RNF123: variants seen among roughly 807,000 people sequenced by gnomAD.
RNF123 encodes the protein ring finger protein 123, also known as E3 ubiquitin-protein ligase RNF123.
Under a neutral mutation model 168.5 loss-of-function variants are expected in RNF123, and 86 were observed. The observed-to-expected ratio is 0.51, with a 90% CI of 0.43 to 0.61. The LOEUF is 0.61. RNF123 is among the 20% of genes least tolerant of loss of function. RNF123 has a pLI of 0.00. For synonymous variants in RNF123, 666 were observed against 689.1 expected (o/e 0.97, Z 0.52); for missense variants, 1,419 against 1,729.7 (o/e 0.82, Z 3.19).
intron 35 of RNF123, chr3:49,718,531 A>T (rs774191576): frequency 6.2e-7 from 1 of 1,613,092 alleles, no homozygotes; most frequent in Non-Finnish European, 8.5e-7. Context: ...CTGCGGCGAA[A>T]CCCAGGCAAT....
At chr3:49,713,679 T>G (rs1410407174) in intron 28 of RNF123, 59 bp from the exon 29 acceptor site, 2 of 1,571,918 alleles carry the variant, frequency 1.3e-6, no homozygotes, top group Non-Finnish European at 8.6e-7. Context: ...CAGGTGGGCA[T>G]GAAGTATGGG....
Position 49,699,833 on chromosome 3 carries a change from G to A in RNF123, c.984+61G>A. 4 of 1,527,934 alleles carry A rather than the reference G, an allele frequency of 2.6e-6. No homozygotes were observed. The highest frequency in any genetic ancestry group is 3.6e-6 in the Non-Finnish European group (4 of 1,108,444). The allele number at this position is 1,527,934 out of a possible 1,614,324, so 94.6% of individuals were successfully genotyped here. On this transcript the variant is annotated intron_variant, in intron 12 of 38. Coordinates refer to ENST00000327697, the MANE Select transcript of RNF123 (RefSeq NM_022064.5). This position sits in a 1 kb window ranked among gnomAD's most constrained non-coding sequence, Gnocchi z 4.8. ...GACAGGCCATGCTAGACACGCCCGT[G>A]GTAGATGTGCCCTCACTGAGGGCTG...
In RNF123 at chr3:49,713,911, C is replaced by T. The variant is rs770235692; in HGVS notation, c.2839C>T (p.Arg947Cys). The T allele has an allele frequency of 1.7e-5, 27 of 1,613,692 alleles. No homozygotes were observed. Among genetic ancestry groups the T allele is most frequent in the Admixed American group, 3.3e-5 (2 of 60,018 alleles). ...TCTCTCCCCTCCTTGCCCTCACAGG[C>T]GTATCGCCATGGTGAGGAACCTCCT... ...RAVERIPEEQ[R>C]IAMVRNLLAP... The change falls in exon 30 of 39, where the codon CGT becomes TGT. Residue 947 changes from arginine (R) to cysteine (C), a missense_variant and splice_region_variant. By Grantham distance (180) the Arg-to-Cys change is radical. Coordinates refer to ENST00000327697, the MANE Select transcript of RNF123 (RefSeq NM_022064.5).
At position 49,701,487 on chromosome 3, in the gene RNF123, CCAG is replaced by C; in HGVS notation, c.1278-2_1278del. ...AAGCAGAGCCCTGCCTTGACACCCG[CCAG>C]CTTCGACGTGCTCCGCTCCGTCGTC... On this transcript the variant is annotated splice_acceptor_variant and splice_polypyrimidine_tract_variant and intron_variant, in intron 15 of 38. Coordinates refer to ENST00000327697, the MANE Select transcript of RNF123 (RefSeq NM_022064.5). LOFTEE classifies it high-confidence loss of function. 4.3e-6 allele frequency: 7 copies of C among 1,612,628 alleles called. No individual in the cohort carries two copies. The highest frequency in any genetic ancestry group is 5.9e-6 in the Non-Finnish European group (7 of 1,179,022).
At chr3:49,705,839 C>A in intron 24 of RNF123, 143 bp from the exon 25 acceptor site, 2 of 1,418,082 alleles carry the variant, frequency 1.4e-6, no homozygotes, top group South Asian at 1.2e-5. Context: ...CTGCCTCAGT[C>A]TGACCTGCTG....
chr3:49,691,088 C>T (rs936489941), intron 1 of RNF123, 42 bp from the exon 2 acceptor site: 1 of 1,377,516 alleles, frequency 7.3e-7, no homozygotes, highest in African/African-American at 1.4e-5. Flanking sequence ...GTGTGGGGGC[C>T]CCTGGCTGGC....
intron 8 of RNF123, 85 bp from the exon 9 acceptor site, chr3:49,698,670 G>T (rs2054316659): frequency 1.3e-6 from 2 of 1,556,520 alleles, no homozygotes; most frequent in South Asian, 1.1e-5. Context: ...AGTCTCCCTT[G>T]GGTGGTTCTG....
At chr3:49,718,519 T>G in intron 35 of RNF123, 1 of 1,613,190 alleles carries the variant, frequency 6.2e-7, no homozygotes, top group Non-Finnish European at 8.5e-7. Context: ...GAGAAGCTCC[T>G]GCTGCGGCGA....
chr3:49,709,717 G>A (rs943708473), intron 26 of RNF123, among the ~76,000 whole-genome samples: 2 of 152,146 alleles, frequency 1.3e-5, no homozygotes, highest in Admixed American at 6.5e-5. Context: ...GGGGTTACAG[G>A]CGTGAGCCAT....
chr3:49,712,789 T>A, intron 27 of RNF123, 133 bp downstream of exon 27: 1 of 1,035,574 alleles, frequency 9.7e-7, no homozygotes, highest in Non-Finnish European at 1.5e-6. Context: ...GAGCTTCCTC[T>A]GTGGTTCACC....
rs2054474957 is a variant in RNF123 at position 49,704,635 on chromosome 3, T to C, written c.1853-15T>C. 1 of 1,603,184 alleles carries C rather than the reference T, an allele frequency of 6.2e-7. No individual in the cohort carries two copies. The highest frequency in any genetic ancestry group is 8.5e-7 in the Non-Finnish European group (1 of 1,174,484). On this transcript the variant is annotated splice_polypyrimidine_tract_variant and intron_variant, in intron 21 of 38. Coordinates refer to ENST00000327697, the MANE Select transcript of RNF123 (RefSeq NM_022064.5). ...GCCACCACTGGCCTGAGAACCCTCC[T>C]GCTCTTCCTCCCAGATGACCTTGCT...
At chr3:49,706,161 A>G (rs555236484) in intron 25 of RNF123, 96 bp downstream of exon 25, 1 of 1,112,022 alleles carries the variant, frequency 9.0e-7, no homozygotes, top group East Asian at 2.4e-5. Context: ...GGCAGTTCTC[A>G]TCCCCACTCT....
chr3:49,691,311 C>G, intron 2 of RNF123, 64 bp downstream of exon 2: 1 of 1,591,676 alleles, frequency 6.3e-7, no homozygotes, highest in Non-Finnish European at 8.6e-7. Flanking sequence ...GGACAAAGGC[C>G]TCAGGCCTTG....
chr3:49,718,634 C>T, intron 35 of RNF123: 1 of 1,613,000 alleles, frequency 6.2e-7, no homozygotes. Flanking sequence ...AGGCCAAGAG[C>T]TGGGGCCGAC....
intron 35 of RNF123, chr3:49,719,905 G>T (rs2080356702): frequency 5.4e-6 from 1 of 185,022 alleles, no homozygotes; most frequent in Non-Finnish European, 1.1e-5. Flanking sequence ...GGGGGAGTCT[G>T]GAAGAATGTC....
At chr3:49,719,133 C>G (rs142819877) in intron 35 of RNF123, 2 of 1,613,522 alleles carry the variant, frequency 1.2e-6, no homozygotes. Flanking sequence ...CGAGCAGCCT[C>G]AGGCCGCTGG....
rs111602126 is a variant in RNF123 at position 49,702,025 on chromosome 3, C to T, written c.1496-58C>T. ...GGAACCCTGGTGGTGGAGCCCTGGC[C>T]CAAACCTGCCCCCCATCTCCTGGAG... On this transcript the variant is annotated intron_variant, in intron 17 of 38. Coordinates refer to ENST00000327697, the MANE Select transcript of RNF123 (RefSeq NM_022064.5). The T allele has an allele frequency of 1.1e-3, 1,795 of 1,589,354 alleles. 24 individuals are homozygous for T. In the African/African-American group the frequency reaches 0.021, roughly 19 times the overall value.
At chr3:49,718,014 C>T (rs2080282964) in intron 35 of RNF123, 5 of 1,613,532 alleles carry the variant, frequency 3.1e-6, no homozygotes, top group Middle Eastern at 1.6e-4. Flanking sequence ...CCTTCAGCTG[C>T]AGGCCTCCAG....
intron 22 of RNF123, 45 bp downstream of exon 22, chr3:49,704,801 C>T (rs750306364): frequency 1.3e-6 from 2 of 1,516,418 alleles, no homozygotes; most frequent in Non-Finnish European, 1.8e-6. Flanking sequence ...TGGGCTTATC[C>T]TGTATCTTAT....
Sources: gnomAD v4.1 joint callset for allele counts (sites outside exome capture counted in the v4.1 genomes callset) on GRCh38, gnomAD v4.1.1 for gene constraint, Gnocchi (gnomAD v3.1) non-coding constraint, MANE v1.5 for transcripts, NCBI Gene and HGNC (gene_info 2026-07-23, HGNC 2026-07-21) for gene names.